KAZN: variants seen among roughly 807,000 people sequenced by gnomAD.
The protein encoded by KAZN is kazrin, periplakin interacting protein.
A neutral mutation model predicts 87.4 loss-of-function variants in KAZN; 40 were observed. That is an observed-to-expected ratio of 0.46 (90% CI 0.36 to 0.60). The LOEUF is 0.60. KAZN is among the 20% of genes least tolerant of loss of function. The probability of loss-of-function intolerance (pLI) is 0.00; values close to 1 mark genes in which losing one functional copy is unlikely to be tolerated. For missense variants in KAZN, 898 were observed against 1,073.9 expected (o/e 0.84, Z 2.29); for synonymous variants, 466 against 458.3 (o/e 1.02, Z -0.22).
At chr1:14,930,184 C>G (rs1659649987) in intron 1 of KAZN, 1 of 607,594 alleles carries the variant, frequency 1.6e-6, no homozygotes, top group Non-Finnish European at 2.1e-6. Flanking sequence ...TGGGAAACAC[C>G]CTCCACCTGG....
chr1:14,119,640 C>T (rs1570782700), intron 1 of KAZN, among the ~76,000 whole-genome samples: 1 of 152,150 alleles, frequency 6.6e-6, no homozygotes, highest in African/African-American at 2.4e-5. Context: ...GATGGATTAA[C>T]TCTTTAGCTA....
At chr1:14,193,098 C>A (rs999499366) in intron 2 of KAZN, among the ~76,000 whole-genome samples, 1 of 152,126 alleles carries the variant, frequency 6.6e-6, no homozygotes, top group African/African-American at 2.4e-5. Context: ...TTTTATAAGG[C>A]GTTCTTCCCC....
intron 2 of KAZN, among the ~76,000 whole-genome samples, chr1:14,573,474 C>T (rs948487300): frequency 6.6e-6 from 1 of 151,970 alleles, no homozygotes; most frequent in African/African-American, 2.4e-5. Context: ...GGTGAAACCC[C>T]GTCTCTACTA....
At chr1:14,755,086 G>GAAAAAAA (rs763767893) in intron 1 of KAZN, among the ~76,000 whole-genome samples, 2 of 49,998 alleles carry the variant, frequency 4.0e-5, no homozygotes, top group Non-Finnish European at 7.5e-5. Flanking sequence ...TACTAAAAAT[G>GAAAAAAA]CAAAAAAAAA....
At chr1:14,263,148 T>C (rs933302714) in intron 2 of KAZN, among the ~76,000 whole-genome samples, 2 of 152,192 alleles carry the variant, frequency 1.3e-5, no homozygotes, top group Non-Finnish European at 2.9e-5. Flanking sequence ...TTTTTGAAGA[T>C]GCCTAGAGCT....
chr1:14,929,519 C>T (rs900448446), intron 1 of KAZN, among the ~76,000 whole-genome samples: 1 of 152,190 alleles, frequency 6.6e-6, no homozygotes, highest in African/African-American at 2.4e-5. Flanking sequence ...TGGGGTTAGC[C>T]TCCCTCATCT....
chr1:14,785,705 A>G (rs1217013102), intron 1 of KAZN, among the ~76,000 whole-genome samples: 2 of 152,204 alleles, frequency 1.3e-5, no homozygotes, highest in Non-Finnish European at 2.9e-5. Flanking sequence ...TGAGAATAAT[A>G]TCTTTCTTAG....
At chr1:15,086,825 T>C (rs1040470707) in intron 8 of KAZN, among the ~76,000 whole-genome samples, 3 of 152,216 alleles carry the variant, frequency 2.0e-5, no homozygotes, top group Admixed American at 2.0e-4. Context: ...TTAAGGTAAA[T>C]AGGTATAGTG....
intron 1 of KAZN, among the ~76,000 whole-genome samples, chr1:14,832,284 G>A (rs1045329002): frequency 7.2e-5 from 11 of 151,864 alleles, no homozygotes; most frequent in Non-Finnish European, 1.5e-4. Context: ...CACCCCCCAC[G>A]TCTCTCTATC....
intron 1 of KAZN, among the ~76,000 whole-genome samples, chr1:14,022,908 A>G (rs890631725): frequency 2.6e-5 from 4 of 152,154 alleles, no homozygotes; most frequent in African/African-American, 9.7e-5. Context: ...TGTCTCCATG[A>G]CTTTTGAGCA....
chr1:14,727,033 G>A (rs549511450), intron 1 of KAZN, among the ~76,000 whole-genome samples: 1 of 152,146 alleles, frequency 6.6e-6, no homozygotes, highest in East Asian at 1.9e-4. Flanking sequence ...TTTGACAAGT[G>A]CTCAGTGGAA....
intron 13 of KAZN, among the ~76,000 whole-genome samples, chr1:15,109,931 G>A (rs1442536318): frequency 5.9e-5 from 7 of 118,632 alleles, no homozygotes; most frequent in Admixed American, 1.8e-4. Context: ...ATGGGTGTGT[G>A]TGTGTGTGTG....
At chr1:14,747,235 C>CATAG (rs927937294) in intron 1 of KAZN, among the ~76,000 whole-genome samples, 3 of 152,096 alleles carry the variant, frequency 2.0e-5, no homozygotes, top group African/African-American at 7.2e-5. Context: ...TAGATGGATA[C>CATAG]ATAGATAGAT....
intron 2 of KAZN, among the ~76,000 whole-genome samples, chr1:14,392,633 C>T (rs1253503644): frequency 1.3e-5 from 2 of 151,958 alleles, no homozygotes; most frequent in African/African-American, 2.4e-5. Flanking sequence ...TGTGCATTGT[C>T]GGAGGTTTCA....
chr1:15,005,874 T>C (rs1383672430), intron 2 of KAZN, among the ~76,000 whole-genome samples: 1 of 152,198 alleles, frequency 6.6e-6, no homozygotes, highest in Non-Finnish European at 1.5e-5. Context: ...CTGTATTGTT[T>C]CCTTTGTGAT....
intron 1 of KAZN, among the ~76,000 whole-genome samples, chr1:13,976,155 T>G (rs1169013426): frequency 6.6e-6 from 1 of 152,218 alleles, no homozygotes; most frequent in East Asian, 1.9e-4. Flanking sequence ...AATCCTTAGT[T>G]TTCAGATGAT....
intron 1 of KAZN, among the ~76,000 whole-genome samples, chr1:14,826,328 C>T (rs889856262): frequency 3.9e-5 from 6 of 152,242 alleles, no homozygotes; most frequent in South Asian, 4.1e-4. Context: ...CATTGTCAGG[C>T]GCTCTGGCGT....
chr1:14,639,169 C>G (rs538947049), intron 1 of KAZN, among the ~76,000 whole-genome samples: 1 of 152,184 alleles, frequency 6.6e-6, no homozygotes, highest in Non-Finnish European at 1.5e-5. Context: ...ACCCCAGAGG[C>G]TGATGCACTC....
At chr1:14,682,541 GC>G (rs1399198120) in intron 1 of KAZN, among the ~76,000 whole-genome samples, 1 of 152,064 alleles carries the variant, frequency 6.6e-6, no homozygotes, top group Non-Finnish European at 1.5e-5. Context: ...TCCTGCCTCA[GC>G]CTCCCAAAGT....
Sources: gnomAD v4.1 joint callset for allele counts (sites outside exome capture counted in the v4.1 genomes callset) on GRCh38, gnomAD v4.1.1 for gene constraint, MANE v1.5 for transcripts, NCBI Gene and HGNC (gene_info 2026-07-23, HGNC 2026-07-21) for gene names.